Variants in MRAP observed in about 807,000 individuals in gnomAD.
The protein encoded by MRAP is melanocortin 2 receptor accessory protein.
In MRAP, 8 loss-of-function variants were observed where a neutral mutation model predicts 8.7. That is an observed-to-expected ratio of 0.92 (90% CI 0.54 to 1.66). The LOEUF (loss-of-function observed/expected upper bound fraction) is 1.66, where lower values mean the gene tolerates loss of function less well. MRAP is among the 40% of genes most tolerant of loss of function. The pLI is 0.00. For missense variants in MRAP, 237 were observed against 217.1 expected (o/e 1.09, Z -0.58); for synonymous variants, 95 against 95.5 (o/e 1.00, Z 0.03).
chr21:32,295,197 C>T (rs1042986625), upstream of MRAP, among the ~76,000 whole-genome samples: 6 of 152,022 alleles, frequency 3.9e-5, no homozygotes, highest in Admixed American at 6.5e-5. Flanking sequence ...CAGGAGTGAA[C>T]GCTTATTAGA....
chr21:32,310,656 T>C (rs2032540572), intron 2 of MRAP, among the ~76,000 whole-genome samples: 1 of 149,926 alleles, frequency 6.7e-6, no homozygotes, highest in Non-Finnish European at 1.5e-5. Flanking sequence ...TTTTTTTTCT[T>C]TTTTTTTTTG....
At chr21:32,304,976 T>G (rs866523541) in intron 1 of MRAP, among the ~76,000 whole-genome samples, 149 of 126,360 alleles carry the variant, frequency 1.2e-3, no homozygotes, top group East Asian at 6.0e-3. Context: ...TTTTTTTTTT[T>G]TTTTTTTTTT....
At chr21:32,314,287 C>T (rs991598276), downstream of MRAP, 18 of 390,970 alleles carry the variant, frequency 4.6e-5, no homozygotes, top group South Asian at 2.4e-4. Flanking sequence ...CAGGTTCAAG[C>T]GATTCCCCTG....
At chr21:32,294,765 G>A (rs938540013), upstream of MRAP, among the ~76,000 whole-genome samples, 5 of 151,982 alleles carry the variant, frequency 3.3e-5, no homozygotes, top group Admixed American at 2.0e-4. Flanking sequence ...GGGATTGCAG[G>A]GAACACGATC....
chr21:32,310,035 T>C (rs2123522738), intron 2 of MRAP, among the ~76,000 whole-genome samples: 1 of 152,256 alleles, frequency 6.6e-6, no homozygotes, highest in Admixed American at 6.5e-5. Flanking sequence ...GTCACCTTTC[T>C]TTACTACTCT....
Position 32,311,732 on chromosome 21 carries a change from C to CTTGA in MRAP, c.255_256insTTGA (p.His87ThrfsTer35). 6.2e-7 allele frequency: 1 copy of CTTGA among 1,614,098 alleles called. No individual in the cohort carries two copies. Among genetic ancestry groups the CTTGA allele is most frequent in the Non-Finnish European group, 8.5e-7 (1 of 1,179,992 alleles). On this transcript the variant is annotated frameshift_variant, in exon 3 of 3. Coordinates refer to ENST00000303645, the MANE Select transcript of MRAP (RefSeq NM_001379228.1). LOFTEE classifies it low-confidence loss of function (END_TRUNC). ...CATGCCCCTGGAGTCACGGCCTCAACCTCCACCTCTGCATCCAGAAGTGCC... is the reference window on the plus strand; with the variant it reads ...CATGCCCCTGGAGTCACGGCCTCAACTTGACTCCACCTCTGCATCCAGAAGTGCC...
At chr21:32,306,535 A>C in intron 1 of MRAP, 105 bp from the exon 2 acceptor site, 1 of 885,808 alleles carries the variant, frequency 1.1e-6, no homozygotes, top group South Asian at 1.4e-5. Flanking sequence ...GGACAACCGA[A>C]ACTCAGGGCC....
At chr21:32,306,559 A>G (rs767498658) in intron 1 of MRAP, 81 bp from the exon 2 acceptor site, 19 of 1,154,032 alleles carry the variant, frequency 1.6e-5, no homozygotes, top group Admixed American at 7.0e-5. Context: ...ATTCCACAAT[A>G]CCCTGGGACT....
chr21:32,294,627 C>T (rs1417592825), upstream of MRAP, among the ~76,000 whole-genome samples: 1 of 151,916 alleles, frequency 6.6e-6, no homozygotes, highest in Non-Finnish European at 1.5e-5. Flanking sequence ...ACTTTCTTTC[C>T]AGTATGTGGC....
In MRAP at chr21:32,311,732, C is replaced by A. The variant is rs761438864; in HGVS notation, c.255C>A (p.Asn85Lys). 13 of 1,614,098 alleles carry A rather than the reference C, an allele frequency of 8.1e-6. No individual in the cohort carries two copies. The highest frequency in any genetic ancestry group is 1.7e-5 in the Admixed American group (1 of 60,028). The change falls in exon 3 of 3, where the codon AAC becomes AAA. Residue 85 changes from asparagine to lysine, a missense_variant. Asn to Lys is a moderately conservative substitution (Grantham distance 94). Transcript: ENST00000303645. ...CATGCCCCTGGAGTCACGGCCTCAA[C>A]CTCCACCTCTGCATCCAGAAGTGCC... The part of the protein sequence containing the change: ...HQTCPWSHGL[N>K]LHLCIQKCLP...
chr21:32,304,803 G>A (rs1249921838), intron 1 of MRAP, among the ~76,000 whole-genome samples: 2 of 151,996 alleles, frequency 1.3e-5, no homozygotes, highest in Non-Finnish European at 2.9e-5. Flanking sequence ...ACAGACAGGA[G>A]AGACATGAGA....
Position 32,298,995 on chromosome 21 carries a change from T to A in MRAP, c.24T>A (p.Ser8=). The A allele has an allele frequency of 6.2e-7, 1 of 1,614,148 alleles. No homozygotes were observed. The highest frequency in any genetic ancestry group is 1.3e-5 in the African/African-American group (1 of 75,072). ...ACATGGCCAACGGGACCAACGCCTC[T>A]GCCCCATACTACAGCTATGAATACT... MANGTNA[S]APYYSYEYYL... Residue 8 remains serine, a synonymous_variant, in exon 1 of 3, where the codon TCT becomes TCA. Transcript: ENST00000303645.
intron 1 of MRAP, among the ~76,000 whole-genome samples, chr21:32,301,910 A>G (rs1233368380): frequency 6.6e-6 from 1 of 152,250 alleles, no homozygotes; most frequent in Admixed American, 6.5e-5. Flanking sequence ...TAGAAAATTC[A>G]AAGTATAGAT....
intron 1 of MRAP, among the ~76,000 whole-genome samples, chr21:32,300,416 G>A (rs985558481): frequency 1.0e-4 from 15 of 149,922 alleles, no homozygotes; most frequent in Non-Finnish European, 1.3e-4. Context: ...TGCATCACGC[G>A]TCCTGCGTCG....
chr21:32,304,250 A>G (rs1046112787), intron 1 of MRAP, among the ~76,000 whole-genome samples: 2 of 152,160 alleles, frequency 1.3e-5, no homozygotes, highest in African/African-American at 4.8e-5. Flanking sequence ...ATAGATTGTA[A>G]CTCTTCGGGA....
chr21:32,292,746 T>A (rs2123486181), intron 1 of MRAP, among the ~76,000 whole-genome samples: 1 of 151,978 alleles, frequency 6.6e-6, no homozygotes, highest in East Asian at 1.9e-4. Context: ...TGCATTTGCC[T>A]CCCAAATGTT....
Position 32,299,002 on chromosome 21 carries a change from T to C in MRAP, c.31T>C (p.Tyr11His), listed in dbSNP as rs1439721320. Residue 11 changes from tyrosine to histidine, a missense_variant, in exon 1 of 3, where the codon TAC becomes CAC. Coordinates refer to ENST00000303645, the MANE Select transcript of MRAP (RefSeq NM_001379228.1). ...CAACGGGACCAACGCCTCTGCCCCATACTACAGCTATGAATACTACCTGGA... is the reference window on the plus strand; with the variant it reads ...CAACGGGACCAACGCCTCTGCCCCACACTACAGCTATGAATACTACCTGGA... MANGTNASAP[Y>H]YSYEYYLDYL... 12 of 1,614,152 alleles carry C rather than the reference T, an allele frequency of 7.4e-6. 1 individual carries two copies. The highest frequency in any genetic ancestry group is 1.7e-4 in the Middle Eastern group (1 of 6,060).
At chr21:32,295,837 G>A (rs773927231), upstream of MRAP, among the ~76,000 whole-genome samples, 1 of 152,110 alleles carries the variant, frequency 6.6e-6, no homozygotes, top group Admixed American at 6.6e-5. Context: ...TTAGCCAGAC[G>A]TGGTGGCACC....
upstream of MRAP, chr21:32,298,800 C>A (rs79992582): frequency 6.5e-3 from 4,012 of 621,212 alleles, 141 homozygotes; most frequent in African/African-American, 0.065. Flanking sequence ...CCCCCCTGAC[C>A]TTTCTTCCAG....
Sources: gnomAD v4.1 joint callset for allele counts (sites outside exome capture counted in the v4.1 genomes callset) on GRCh38, gnomAD v4.1.1 for gene constraint, MANE v1.5 for transcripts, NCBI Gene and HGNC (gene_info 2026-07-23, HGNC 2026-07-21) for gene names.